PTPRD: variants seen among roughly 807,000 people sequenced by gnomAD.
The protein encoded by PTPRD is receptor-type tyrosine-protein phosphatase delta.
PTPRD carries 34 observed loss-of-function variants against 214.5 expected under a neutral mutation model. That is an observed-to-expected ratio of 0.16 (90% CI 0.12 to 0.21). The LOEUF is 0.21. Among genes scored for constraint, PTPRD ranks in the 10% least tolerant of loss-of-function variants. PTPRD has a pLI of 1.00. For synonymous variants in PTPRD, 1,128 were observed against 845.7 expected, an observed-to-expected ratio of 1.33 and a Z score of -5.79; for missense variants, 2,545 against 2,398.7, an observed-to-expected ratio of 1.06 and a Z score of -1.27.
intron 3 of PTPRD, among the ~76,000 whole-genome samples, chr9:10,321,881 ACT>A (rs950389576): frequency 2.0e-5 from 3 of 152,004 alleles, no homozygotes; most frequent in African/African-American, 7.2e-5. Flanking sequence ...AATTCGCATT[ACT>A]CTCTTAAGCA....
chr9:9,354,441 T>C lies in PTPRD; in HGVS notation c.-203+43008A>G, dbSNP rs574268313. On this transcript the variant is annotated intron_variant, in intron 9 of 45. Transcript: ENST00000381196. ...GTATATTTTATCATACCTACAGAGATCATATATTAATAAGGTCTTGTAATA... is the reference window on the plus strand; with the variant it reads ...GTATATTTTATCATACCTACAGAGACCATATATTAATAAGGTCTTGTAATA... Among the ~76,000 whole-genome samples the C allele has an allele frequency of 1.1e-3, 168 of 151,926 alleles. 1 individual carries two copies. Among genetic ancestry groups the C allele is most frequent in the Non-Finnish European group, 1.7e-3 (112 of 67,862 alleles).
At chr9:9,324,254 G>A (rs541664254) in intron 9 of PTPRD, among the ~76,000 whole-genome samples, 1 of 152,150 alleles carries the variant, frequency 6.6e-6, no homozygotes, top group Non-Finnish European at 1.5e-5. Flanking sequence ...AGATCCTTGA[G>A]GAATCGCCAC....
chr9:8,598,707 T>C (rs1017036826), intron 14 of PTPRD, among the ~76,000 whole-genome samples: 3 of 152,096 alleles, frequency 2.0e-5, no homozygotes, highest in Non-Finnish European at 4.4e-5. Flanking sequence ...GTATCCTTCA[T>C]CATGAATGGG....
chr9:9,949,023 G>C (rs1421007977), intron 4 of PTPRD, among the ~76,000 whole-genome samples: 2 of 151,996 alleles, frequency 1.3e-5, no homozygotes, highest in Non-Finnish European at 2.9e-5. Flanking sequence ...GTGGGATAAA[G>C]GGTGAAGAAT....
At chr9:8,747,953 G>C (rs994846681) in intron 11 of PTPRD, among the ~76,000 whole-genome samples, 4 of 152,016 alleles carry the variant, frequency 2.6e-5, no homozygotes, top group Admixed American at 1.3e-4. Flanking sequence ...TTCCAGAATC[G>C]AAGCTGTAAT....
intron 4 of PTPRD, among the ~76,000 whole-genome samples, chr9:9,951,644 C>T (rs1214560623): frequency 6.6e-6 from 1 of 152,186 alleles, no homozygotes; most frequent in Non-Finnish European, 1.5e-5. Context: ...AAGTTAATGT[C>T]GTTCTCCTCA....
chr9:9,170,010 T>C (rs1215192642), intron 10 of PTPRD, among the ~76,000 whole-genome samples: 2 of 152,196 alleles, frequency 1.3e-5, no homozygotes, highest in South Asian at 4.1e-4. Flanking sequence ...AGATCTTTGG[T>C]GTTTTTTCAT....
intron 4 of PTPRD, among the ~76,000 whole-genome samples, chr9:9,953,798 A>G (rs2093662555): frequency 6.6e-6 from 1 of 152,122 alleles, no homozygotes; most frequent in African/African-American, 2.4e-5. Flanking sequence ...CATGCTACAT[A>G]GCTCACTCTT....
chr9:8,535,362 G>C (rs1373014492), intron 14 of PTPRD, among the ~76,000 whole-genome samples: 1 of 151,938 alleles, frequency 6.6e-6, no homozygotes, highest in Non-Finnish European at 1.5e-5. Context: ...CATAGTGTTT[G>C]TGCCAAGTAA....
chr9:8,413,876 T>C (rs1015913586), intron 35 of PTPRD, among the ~76,000 whole-genome samples: 3 of 152,148 alleles, frequency 2.0e-5, no homozygotes, highest in African/African-American at 7.2e-5. Context: ...TAGTTTTACA[T>C]TGTAAAATTA....
At chr9:8,753,708 T>A (rs1035091347) in intron 11 of PTPRD, among the ~76,000 whole-genome samples, 2 of 152,226 alleles carry the variant, frequency 1.3e-5, no homozygotes, top group Non-Finnish European at 2.9e-5. Flanking sequence ...AATGTGCTAT[T>A]TATAGCAGCA....
At chr9:9,713,609 G>A (rs1326918047) in intron 7 of PTPRD, among the ~76,000 whole-genome samples, 1 of 152,170 alleles carries the variant, frequency 6.6e-6, no homozygotes, top group Non-Finnish European at 1.5e-5. Flanking sequence ...AAGCAAAATT[G>A]AGCTGGTCCT....
At chr9:9,418,157 C>G (rs960720126) in intron 8 of PTPRD, among the ~76,000 whole-genome samples, 2 of 152,018 alleles carry the variant, frequency 1.3e-5, no homozygotes, top group African/African-American at 4.8e-5. Flanking sequence ...TCCTTTAGAA[C>G]AGAACAACTT....
intron 11 of PTPRD, among the ~76,000 whole-genome samples, chr9:8,901,231 T>C (rs2098666562): frequency 6.6e-6 from 1 of 152,180 alleles, no homozygotes; most frequent in African/African-American, 2.4e-5. Flanking sequence ...CATTTGCATC[T>C]TCTGTACTCT....
chr9:10,373,385 A>C (rs1291829856), intron 2 of PTPRD, among the ~76,000 whole-genome samples: 3 of 152,058 alleles, frequency 2.0e-5, no homozygotes, highest in Non-Finnish European at 4.4e-5. Flanking sequence ...AGTTCTTGGA[A>C]TCTAACATTC....
intron 3 of PTPRD, among the ~76,000 whole-genome samples, chr9:10,168,864 A>G (rs2099178350): frequency 6.6e-6 from 1 of 152,206 alleles, no homozygotes; most frequent in Non-Finnish European, 1.5e-5. Context: ...TAGCAATTAA[A>G]TCTAAAATGT....
intron 10 of PTPRD, among the ~76,000 whole-genome samples, chr9:9,019,338 A>AAGAG (rs2099553145): frequency 4.7e-5 from 1 of 21,096 alleles, no homozygotes; most frequent in African/African-American, 1.1e-4. Context: ...GAAAGAAAGA[A>AAGAG]CGAAAGAAAG....
chr9:8,520,639 C>G (rs1031086252), intron 20 of PTPRD, among the ~76,000 whole-genome samples: 1 of 152,148 alleles, frequency 6.6e-6, no homozygotes, highest in South Asian at 2.1e-4. Context: ...CATGCTTGTA[C>G]TCTTTCTCTT....
intron 8 of PTPRD, among the ~76,000 whole-genome samples, chr9:9,563,074 A>G (rs1485283134): frequency 3.9e-5 from 6 of 152,200 alleles, no homozygotes. Flanking sequence ...AGCTAATTGT[A>G]TGGTTATAAT....
Sources: allele counts gnomAD v4.1 joint callset (sites outside exome capture counted in the v4.1 genomes callset), GRCh38; gene constraint gnomAD v4.1.1; transcripts MANE v1.5; gene names NCBI Gene and HGNC (gene_info 2026-07-23, HGNC 2026-07-21).